TRDN: variants seen among roughly 807,000 people sequenced by gnomAD.
TRDN encodes triadin.
Under a neutral mutation model 149.7 loss-of-function variants are expected in TRDN, and 161 were observed. The observed-to-expected ratio is 1.08, with a 90% CI of 0.95 to 1.23. TRDN has a LOEUF of 1.23. Among genes scored for constraint, TRDN ranks in the 50% most tolerant of loss-of-function variants. TRDN has a pLI of 0.00. For missense variants in TRDN, 896 were observed against 823.5 expected (o/e 1.09, Z -1.08); for synonymous variants, 294 against 250.5 (o/e 1.17, Z -1.64).
At chr6:123,255,321 G>A (rs956347571) in intron 36 of TRDN, among the ~76,000 whole-genome samples, 196 bp from the exon 37 acceptor site, 2 of 151,924 alleles carry the variant, frequency 1.3e-5, no homozygotes, top group Non-Finnish European at 2.9e-5. Context: ...ATAAACAGAG[G>A]TATAACATGA....
chr6:123,315,184 A>G (rs372267473), intron 24 of TRDN, among the ~76,000 whole-genome samples: 1 of 152,014 alleles, frequency 6.6e-6, no homozygotes, highest in Non-Finnish European at 1.5e-5. Flanking sequence ...GTGAGTTTTC[A>G]CTACTCCAGT....
In TRDN at chr6:123,401,154, C is replaced by T. The variant is rs532625012; in HGVS notation, c.1052-7477G>A. 3.9e-5 allele frequency among the ~76,000 whole-genome samples: 6 copies of T among 152,168 alleles called. 1 individual carries two copies. Among genetic ancestry groups the T allele is most frequent in the African/African-American group, 1.4e-4 (6 of 41,548 alleles). ...CGCAGACTTCTTGAGCCCTTTTTTT[C>T]CTCTACAGTTCTATAGATGTCAAAA... On this transcript the variant is annotated intron_variant, in intron 12 of 40. Coordinates refer to ENST00000334268, the MANE Select transcript of TRDN (RefSeq NM_006073.4).
At chr6:123,622,394 A>T (rs1785444606) in intron 1 of TRDN, among the ~76,000 whole-genome samples, 1 of 151,732 alleles carries the variant, frequency 6.6e-6, no homozygotes. Flanking sequence ...TTAATCAACA[A>T]TGTTTTTGGT....
chr6:123,293,148 T>C (rs967302977), intron 24 of TRDN, among the ~76,000 whole-genome samples: 1 of 152,178 alleles, frequency 6.6e-6, no homozygotes, highest in Non-Finnish European at 1.5e-5. Flanking sequence ...GTCTATCTTA[T>C]GGCTTACTTG....
chr6:123,630,026 G>A (rs1785901696), intron 1 of TRDN, among the ~76,000 whole-genome samples: 1 of 151,916 alleles, frequency 6.6e-6, no homozygotes, highest in African/African-American at 2.4e-5. Context: ...CAGGGCAGGT[G>A]GGAACTGGAG....
chr6:123,564,057 CT>C lies in TRDN; in HGVS notation c.232+6865del, dbSNP rs1346704291. On this transcript the variant is annotated intron_variant, in intron 2 of 40. Coordinates refer to ENST00000334268, the MANE Select transcript of TRDN (RefSeq NM_006073.4). ...TAAGAACACTTCTTAAAAATGAATA[CT>C]TTTTTTCTTTATCTTTTTCCTCATT... Among the ~76,000 whole-genome samples the C allele has an allele frequency of 3.3e-5, 5 of 152,284 alleles. No individual in the cohort carries two copies. In the East Asian group the frequency reaches 7.7e-4, roughly 23 times the overall value.
At chr6:123,375,357 G>A (rs1167834661) in intron 19 of TRDN, among the ~76,000 whole-genome samples, 1 of 152,092 alleles carries the variant, frequency 6.6e-6, no homozygotes, top group Non-Finnish European at 1.5e-5. Context: ...AAATAAAAAT[G>A]TAACACTTCA....
chr6:123,599,305 T>A (rs548629086), intron 1 of TRDN, among the ~76,000 whole-genome samples: 3 of 151,584 alleles, frequency 2.0e-5, no homozygotes, highest in African/African-American at 7.3e-5. Flanking sequence ...GTTATATAAC[T>A]GAGAATATAA....
chr6:123,446,075 T>C (rs1348168918), intron 10 of TRDN, among the ~76,000 whole-genome samples: 2 of 151,766 alleles, frequency 1.3e-5, no homozygotes, highest in Non-Finnish European at 2.9e-5. Context: ...GATGAGTTCA[T>C]GTTCTTTGTA....
chr6:123,548,485 T>A lies in TRDN; in HGVS notation c.360A>T (p.Glu120Asp), dbSNP rs1433101332. The change falls in exon 3 of 41, where the codon GAA (glutamate) becomes GAT (aspartate). Residue 120 changes from glutamate to aspartate, a missense_variant. Physicochemically the swap from Glu to Asp is conservative, Grantham distance 45. Coordinates refer to ENST00000334268, the MANE Select transcript of TRDN (RefSeq NM_006073.4). ...LSDIISSEDE[E>D]DDDGDEDTDK... ...CAGTATCTTCGTCACCATCATCATCTTCTTCATCTTCAGATGAGATGATGT... is the reference window on the plus strand; with the variant it reads ...CAGTATCTTCGTCACCATCATCATCATCTTCATCTTCAGATGAGATGATGT... 24 of 1,573,210 alleles carry A rather than the reference T, an allele frequency of 1.5e-5. No homozygotes were observed. Among genetic ancestry groups the A allele is most frequent in the Non-Finnish European group, 1.9e-5 (22 of 1,160,370 alleles).
At chr6:123,632,211 C>T (rs1786041553) in intron 1 of TRDN, among the ~76,000 whole-genome samples, 1 of 152,058 alleles carries the variant, frequency 6.6e-6, no homozygotes, top group South Asian at 2.1e-4. Flanking sequence ...TTCCCAGAGC[C>T]TACTGCCTAC....
chr6:123,512,393 T>C, intron 6 of TRDN, 31 bp from the exon 7 acceptor site: 1 of 1,289,090 alleles, frequency 7.8e-7, no homozygotes, highest in Non-Finnish European at 1.1e-6. Context: ...TTAGTACACA[T>C]TTTTAATAGA....
Position 123,582,845 on chromosome 6 carries a change from G to A in TRDN, c.23-11713C>T, listed in dbSNP as rs188564686. On this transcript the variant is annotated intron_variant, in intron 1 of 40. Coordinates refer to ENST00000334268, the MANE Select transcript of TRDN (RefSeq NM_006073.4). The stretch of plus-strand genomic sequence containing the variant: ...AGAGATAATGGGCGATGTTTCTCAG[G>A]GCTGCTTTGAGTGGGATTGGGGGGG... Among the ~76,000 whole-genome samples the A allele has an allele frequency of 3.3e-4, 27 of 80,784 alleles. No individual in the cohort carries two copies. The East Asian group carries it at 0.012, about 36-fold the overall frequency. The allele number at this position is 80,784 out of a possible 152,430, so 53.0% of individuals were successfully genotyped here.
In TRDN at chr6:123,381,370, T is replaced by C. The variant is rs1473448628; in HGVS notation, c.1186A>G (p.Lys396Glu). 1 of 1,556,822 alleles carries C rather than the reference T, an allele frequency of 6.4e-7. No homozygotes were observed. The highest frequency in any genetic ancestry group is 1.4e-5 in the African/African-American group (1 of 73,768). ...AAATACACTGCATGCATTTCCTTAC[T>C]TTTTCCCTTGGGTTGTTCTACTGAA... is the stretch of plus-strand genomic sequence containing the variant. ...PAEVEQPKGKKQEKKEKHVEP... is the reference protein window; with the variant it reads ...PAEVEQPKGKEQEKKEKHVEP... The change falls in exon 16 of 41, where the codon AAA becomes GAA. Residue 396 changes from lysine (K) to glutamate (E), a missense_variant and splice_region_variant. Coordinates refer to ENST00000334268, the MANE Select transcript of TRDN (RefSeq NM_006073.4).
intron 2 of TRDN, among the ~76,000 whole-genome samples, chr6:123,552,952 A>T (rs910787727): frequency 6.6e-6 from 1 of 152,172 alleles, no homozygotes; most frequent in Non-Finnish European, 1.5e-5. Flanking sequence ...GAACATATTC[A>T]GTTAGTGGGA....
In TRDN at chr6:123,408,546, C is replaced by T. The variant is rs1821086; in HGVS notation, c.1052-14869G>A. On this transcript the variant is annotated intron_variant, in intron 12 of 40. Coordinates refer to ENST00000334268, the MANE Select transcript of TRDN (RefSeq NM_006073.4). ...TACAAAAATTAGCTGGGCAAGGTGG[C>T]GGGCACCTGTAATCCCAGCTACTCA... Among the ~76,000 whole-genome samples, 1,100 of 151,864 alleles carry T rather than the reference C, an allele frequency of 7.2e-3. 13 individuals are homozygous for T. The highest frequency in any genetic ancestry group is 0.025 in the African/African-American group (1,030 of 41,384).
At chr6:123,350,141 G>C in intron 21 of TRDN, 1 of 972,218 alleles carries the variant, frequency 1.0e-6, no homozygotes, top group Non-Finnish European at 1.2e-6. Context: ...ATTTATTCTT[G>C]ATGGTTAGTA....
chr6:123,548,857 A>G (rs1467379500), intron 2 of TRDN, among the ~76,000 whole-genome samples: 1 of 151,896 alleles, frequency 6.6e-6, no homozygotes, highest in Non-Finnish European at 1.5e-5. Context: ...TTAGCACTGG[A>G]AAAAAAATTA....
At chr6:123,439,101 C>T in intron 10 of TRDN, 98 bp from the exon 11 acceptor site, 1 of 890,676 alleles carries the variant, frequency 1.1e-6, no homozygotes, top group Non-Finnish European at 1.7e-6. Context: ...GTTCTGCCTC[C>T]AGCTAGCTTT....
Sources: gnomAD v4.1 joint callset for allele counts (sites outside exome capture counted in the v4.1 genomes callset) on GRCh38, gnomAD v4.1.1 for gene constraint, MANE v1.5 for transcripts, NCBI Gene and HGNC (gene_info 2026-07-23, HGNC 2026-07-21) for gene names.